The following MAP4 variants were observed in gnomAD, a reference collection of about 807,000 sequenced individuals.
MAP4 encodes the protein microtubule associated protein 4.
MAP4 carries 76 observed loss-of-function variants against 170.2 expected under a neutral mutation model. The observed-to-expected ratio is 0.45, with a 90% CI of 0.37 to 0.54. The LOEUF is 0.54. MAP4 is among the 20% of genes least tolerant of loss of function. MAP4 has a pLI of 0.00. For synonymous variants in MAP4, 909 were observed against 994.5 expected (o/e 0.91, Z 1.62); for missense variants, 2,506 against 2,748.0 (o/e 0.91, Z 1.97).
intron 3 of MAP4, among the ~76,000 whole-genome samples, chr3:47,950,581 T>TA (rs539055260): frequency 3.9e-4 from 58 of 147,046 alleles, no homozygotes; most frequent in East Asian, 9.8e-4. Context: ...AAATTATGTT[T>TA]AAAAAAAAAA....
At chr3:48,055,269 A>C (rs1173889272) in intron 1 of MAP4, among the ~76,000 whole-genome samples, 1 of 151,736 alleles carries the variant, frequency 6.6e-6, no homozygotes, top group Admixed American at 6.5e-5. Flanking sequence ...TGCGGAGCCG[A>C]AGCTGGACTG....
intron 3 of MAP4, chr3:47,974,350 G>T: frequency 2.0e-6 from 1 of 512,442 alleles, no homozygotes; most frequent in Non-Finnish European, 2.5e-6. Flanking sequence ...ACTTGAACCT[G>T]GGAGGCAGAG....
chr3:48,074,681 T>A (rs1195334484), intron 1 of MAP4, among the ~76,000 whole-genome samples: 1 of 129,388 alleles, frequency 7.7e-6, no homozygotes, highest in African/African-American at 2.9e-5. Flanking sequence ...GCTAATTGTG[T>A]GTGTGTGTGT....
chr3:48,065,244 C>T (rs2100137792), intron 1 of MAP4, among the ~76,000 whole-genome samples: 1 of 152,098 alleles, frequency 6.6e-6, no homozygotes, highest in Non-Finnish European at 1.5e-5. Flanking sequence ...TTACTAATAC[C>T]ACTCACATCT....
intron 3 of MAP4, chr3:47,975,517 G>A (rs1480530776): frequency 1.6e-5 from 20 of 1,255,874 alleles, no homozygotes; most frequent in Non-Finnish European, 2.2e-5. Flanking sequence ...GGAAGAAAAG[G>A]GTGGAAAAGC....
intron 17 of MAP4, among the ~76,000 whole-genome samples, chr3:47,864,880 T>TC (rs1358821163): frequency 6.6e-6 from 1 of 151,086 alleles, no homozygotes; most frequent in Non-Finnish European, 1.5e-5. Flanking sequence ...GAGACGGGGG[T>TC]CTTACTATGG....
In MAP4 at chr3:47,916,370, A is replaced by C; in HGVS notation, c.1457T>G (p.Ile486Arg). Residue 486 changes from isoleucine to arginine, a missense_variant, in exon 7 of 21, where the codon ATA becomes AGA. Transcript: ENST00000683076. ...KDMAQLPETE[I>R]APAKDVAPST... ...CGGAGCCACATCCTTGGCCGGGGCT[A>C]TTTCTGTTTCTGGGAGTTGAGCCAT... 6.2e-7 allele frequency: 1 copy of C among 1,614,112 alleles called. No homozygotes were observed. Among genetic ancestry groups the C allele is most frequent in the Non-Finnish European group, 8.5e-7 (1 of 1,180,014 alleles).
In MAP4 at chr3:47,909,576, T is replaced by C. The variant is rs1457442536; in HGVS notation, c.4845A>G (p.Glu1615=). The change falls in exon 9 of 21, where the codon GAA becomes GAG. Residue 1615 remains glutamate, a synonymous_variant. Transcript: ENST00000683076. ...HPVNEEKETK[E]GSVAVQIPDL... is the part of the protein sequence containing the mutation. ...CAGGAATCTGAACTGCAACAGACCC[T>C]TCTTTAGTCTCTTTCTCTTCATTCA... 6.2e-7 allele frequency: 1 copy of C among 1,612,702 alleles called. No individual in the cohort carries two copies. Among genetic ancestry groups the C allele is most frequent in the Non-Finnish European group, 8.5e-7 (1 of 1,179,880 alleles).
At chr3:48,063,939 A>G (rs529624884) in intron 1 of MAP4, among the ~76,000 whole-genome samples, 28 of 152,328 alleles carry the variant, frequency 1.8e-4, no homozygotes, top group African/African-American at 6.5e-4. Context: ...TGCAAAAATT[A>G]TAACTGAGAC....
intron 1 of MAP4, among the ~76,000 whole-genome samples, chr3:48,051,199 G>A (rs2100127661): frequency 6.6e-6 from 1 of 151,696 alleles, no homozygotes; most frequent in South Asian, 2.1e-4. Flanking sequence ...GATCATCTGA[G>A]GTCAGGAGTT....
At chr3:48,013,063 A>G (rs13075457) in intron 1 of MAP4, among the ~76,000 whole-genome samples, 92,971 of 151,866 alleles carry the variant, frequency 0.61, 29,691 homozygotes, top group East Asian at 0.72. Context: ...TATAAGTACA[A>G]TACACTCTTT....
intron 3 of MAP4, among the ~76,000 whole-genome samples, chr3:47,949,465 C>CAA (rs60076214): frequency 3.1e-3 from 217 of 70,798 alleles, no homozygotes; most frequent in African/African-American, 4.2e-3. Flanking sequence ...GACTGCGTCC[C>CAA]AAAAAAAAAA....
chr3:47,929,904 G>T (rs559620431), intron 3 of MAP4, among the ~76,000 whole-genome samples: 1 of 151,978 alleles, frequency 6.6e-6, no homozygotes, highest in Non-Finnish European at 1.5e-5. Flanking sequence ...CGAGGCAGGC[G>T]GATCACCTGA....
intron 2 of MAP4, among the ~76,000 whole-genome samples, chr3:47,994,331 G>A (rs934397483): frequency 2.0e-5 from 3 of 152,140 alleles, no homozygotes; most frequent in Non-Finnish European, 2.9e-5. Context: ...CATAAACAAA[G>A]AAAACCTAGT....
intron 17 of MAP4, among the ~76,000 whole-genome samples, chr3:47,864,512 TA>T (rs2075931539): frequency 6.6e-6 from 1 of 151,912 alleles, no homozygotes; most frequent in South Asian, 2.1e-4. Context: ...CCGTCTCTAC[TA>T]AAAAATATAA....
Position 47,914,911 on chromosome 3 carries a change from G to A in MAP4, c.1905C>T (p.Cys635=), listed in dbSNP as rs1233264000. 24 of 1,613,896 alleles carry A rather than the reference G, an allele frequency of 1.5e-5. No individual in the cohort carries two copies. The highest frequency in any genetic ancestry group is 1.9e-5 in the Non-Finnish European group (23 of 1,179,998). ...PETVTGTGKK[C]SLPAEEDSVL... ...CAGAATCCTCCTCGGCCGGCAAGCT[G>A]CACTTTTTCCCCGTTCCTGTGACGG... The change falls in exon 8 of 21, where the codon TGC becomes TGT. Residue 635 remains cysteine, a synonymous_variant. Transcript: ENST00000683076.
At chr3:48,042,008 C>T (rs1048038858) in intron 1 of MAP4, among the ~76,000 whole-genome samples, 5 of 152,216 alleles carry the variant, frequency 3.3e-5, no homozygotes, top group African/African-American at 9.6e-5. Flanking sequence ...ATCTCTTCAG[C>T]TGGCTATTTA....
rs571783427 is a variant in MAP4, at chr3:47,986,380, G to A, written c.224-8447C>T. On this transcript the variant is annotated intron_variant, in intron 2 of 20. Coordinates refer to ENST00000683076, the MANE Select transcript of MAP4 (RefSeq NM_001385682.1). Reference sequence around the variant, plus strand: ...TTTTTTGAGATGGAGTCACTCTGTCGCCCAGGCTGGAGTGCAGTGGCACAA... The same window carrying A: ...TTTTTTGAGATGGAGTCACTCTGTCACCCAGGCTGGAGTGCAGTGGCACAA... 1.3e-4 allele frequency among the ~76,000 whole-genome samples: 19 copies of A among 151,892 alleles called. No homozygotes were observed. In the South Asian group the frequency reaches 3.5e-3, roughly 28 times the overall value.
At chr3:47,899,553 C>A (rs1289336804) in intron 10 of MAP4, among the ~76,000 whole-genome samples, 2 of 152,210 alleles carry the variant, frequency 1.3e-5, no homozygotes, top group Non-Finnish European at 2.9e-5. Flanking sequence ...TTAGAAACCA[C>A]ACTGTAATCT....
Sources: gnomAD v4.1 joint callset for allele counts (sites outside exome capture counted in the v4.1 genomes callset) on GRCh38, gnomAD v4.1.1 for gene constraint, MANE v1.5 for transcripts, NCBI Gene and HGNC (gene_info 2026-07-23, HGNC 2026-07-21) for gene names.